LRP1: variants seen among roughly 807,000 people sequenced by gnomAD.
The protein encoded by LRP1 is prolow-density lipoprotein receptor-related protein 1.
A neutral mutation model predicts 541.5 loss-of-function variants in LRP1; 51 were observed. That is an observed-to-expected ratio of 0.09 (90% CI 0.08 to 0.12). LRP1 has a LOEUF of 0.12. Among genes scored for constraint, LRP1 ranks in the 10% least tolerant of loss-of-function variants. The pLI is 1.00. For synonymous variants in LRP1, 2,219 were observed against 2,470.8 expected, an observed-to-expected ratio of 0.90 and a Z score of 3.02; for missense variants, 3,878 against 6,376.2, an observed-to-expected ratio of 0.61 and a Z score of 13.34.
At chr12:57,171,062 G>T (rs939181424) in intron 20 of LRP1, among the ~76,000 whole-genome samples, 1 of 152,180 alleles carries the variant, frequency 6.6e-6, no homozygotes, top group African/African-American at 2.4e-5. Flanking sequence ...TGAAGGGGAG[G>T]GTGAGGGGCA....
rs1397111307 is a variant in LRP1 at position 57,205,801 on chromosome 12, C to CA, written c.11590+125dup. 2.9e-6 allele frequency: 4 copies of CA among 1,401,900 alleles called. No homozygotes were observed. The East Asian group carries it at 9.8e-5, about 34-fold the overall frequency. 86.8% of individuals were successfully genotyped at this position (1,401,900 alleles called of 1,614,324 possible). A position where few individuals can be genotyped will look rare whatever the true frequency, so the allele number is the denominator to read the frequency against. ...TTGCCCAGACAAGAAGCCCCAGACT[C>CA]ATAGTTGCAGCTGCCTGAGCACAGT... On this transcript the variant is annotated intron_variant, in intron 75 of 88. Coordinates refer to ENST00000243077, the MANE Select transcript of LRP1 (RefSeq NM_002332.3). The surrounding 1 kb of genome is among the most constrained non-coding windows in gnomAD (Gnocchi z 4.6).
intron 17 of LRP1, among the ~76,000 whole-genome samples, chr12:57,166,711 C>T (rs1377546225): frequency 2.0e-5 from 3 of 152,120 alleles, no homozygotes; most frequent in African/African-American, 7.2e-5. Flanking sequence ...AGAGGAGGAA[C>T]AAGGCAGGGT....
In LRP1 at chr12:57,177,600, C is replaced by T. The variant is rs757112875; in HGVS notation, c.4361+9C>T. The T allele has an allele frequency of 2.7e-5, 44 of 1,613,160 alleles. No homozygotes were observed. The highest frequency in any genetic ancestry group is 3.6e-5 in the Non-Finnish European group (43 of 1,179,758). ...CTTTGGATTGACGCCAGGTCAGCAC[C>T]CTCTGTGCCCTGAGAAGGCCCAAGT... is the stretch of plus-strand genomic sequence containing the variant. On this transcript the variant is annotated intron_variant, in intron 26 of 88. Transcript: ENST00000243077. This position sits in a 1 kb window ranked among gnomAD's most constrained non-coding sequence, Gnocchi z 6.8.
rs200472037 is a variant in LRP1, at chr12:57,158,611, A to T, written c.1771A>T (p.Thr591Ser). Residue 591 changes from threonine to serine, a missense_variant, in exon 11 of 89, where the codon ACT becomes TCT. By Grantham distance (58) the Thr-to-Ser change is moderately conservative. Coordinates refer to ENST00000243077, the MANE Select transcript of LRP1 (RefSeq NM_002332.3). The surrounding 1 kb of genome is among the most constrained non-coding windows in gnomAD (Gnocchi z 5.3). Reference sequence around the variant, plus strand: ...CATTGGCCGCCAGAAGATTGATGGCACTGAGCGGGAGACCATCCTGAAGGA... The same window carrying T: ...CATTGGCCGCCAGAAGATTGATGGCTCTGAGCGGGAGACCATCCTGAAGGA... ...YLIGRQKIDG[T>S]ERETILKDGI... 4 of 1,614,056 alleles carry T rather than the reference A, an allele frequency of 2.5e-6. No homozygotes were observed. In the African/African-American group the frequency reaches 5.3e-5, roughly 22 times the overall value.
chr12:57,199,065 C>A (rs1000755554), intron 60 of LRP1, 147 bp from the exon 61 acceptor site: 8 of 753,544 alleles, frequency 1.1e-5, no homozygotes, highest in Non-Finnish European at 1.8e-5. Flanking sequence ...AGCTGTGAGA[C>A]CATGGGGGGT....
At chr12:57,199,798 C>G in intron 61 of LRP1, 79 bp from the exon 62 acceptor site, 2 of 1,488,400 alleles carry the variant, frequency 1.3e-6, no homozygotes. Context: ...CCACCCGCCT[C>G]TGTCCAGGAT....
At position 57,211,849 on chromosome 12, in the gene LRP1, G is replaced by A. The variant is rs775528416; in HGVS notation, c.13258+35G>A. 26 of 1,613,056 alleles carry A rather than the reference G, an allele frequency of 1.6e-5. No individual in the cohort carries two copies. Among genetic ancestry groups the A allele is most frequent in the African/African-American group, 4.0e-5 (3 of 74,864 alleles). ...AGGGGTTGGGGCAGGCAGGGCCACCGGGACCTAGAGCAGGGGGACCGTGTG... is the reference window on the plus strand; with the variant it reads ...AGGGGTTGGGGCAGGCAGGGCCACCAGGACCTAGAGCAGGGGGACCGTGTG... On this transcript the variant is annotated intron_variant, in intron 86 of 88. Coordinates refer to ENST00000243077, the MANE Select transcript of LRP1 (RefSeq NM_002332.3). This position sits in a 1 kb window ranked among gnomAD's most constrained non-coding sequence, Gnocchi z 4.3.
rs773532015 is a variant in LRP1, at chr12:57,175,623, C to T, written c.3711C>T (p.Cys1237=). The T allele has an allele frequency of 3.1e-5, 50 of 1,612,184 alleles. No homozygotes were observed. In the South Asian group the frequency reaches 4.5e-4, roughly 15 times the overall value. Reference sequence around the variant, plus strand: ...AGCATCTCAAATGCAGCCAAAAGTGCGACCAGAACAAGTTCAGCGTGAAGT... The same window carrying T: ...AGCATCTCAAATGCAGCCAAAAGTGTGACCAGAACAAGTTCAGCGTGAAGT... The part of the protein sequence containing the change: ...CAKHLKCSQK[C]DQNKFSVKCS... The change falls in exon 23 of 89, where the codon TGC becomes TGT. Residue 1237 remains cysteine, a synonymous_variant. Coordinates refer to ENST00000243077, the MANE Select transcript of LRP1 (RefSeq NM_002332.3).
intron 11 of LRP1, among the ~76,000 whole-genome samples, chr12:57,159,479 A>G (rs2035685498): frequency 1.3e-5 from 2 of 152,214 alleles, no homozygotes; most frequent in South Asian, 4.1e-4. Flanking sequence ...CTAGGATATG[A>G]TGTCACACTT....
intron 1 of LRP1, among the ~76,000 whole-genome samples, chr12:57,133,664 ACTCTGTTCC>A (rs1227202705): frequency 1.0e-4 from 3 of 29,436 alleles, no homozygotes; most frequent in African/African-American, 4.2e-4. Flanking sequence ...TCCTCCTCCC[ACTCTGTTCC>A]CTTAGCTATA....
At position 57,158,354 on chromosome 12, in the gene LRP1, G is replaced by C. The variant is rs777626919; in HGVS notation, c.1562-48G>C. The C allele has an allele frequency of 1.4e-6, 2 of 1,477,842 alleles. No individual in the cohort carries two copies. The highest frequency in any genetic ancestry group is 3.6e-5 in the Admixed American group (2 of 55,016). 91.5% of individuals were successfully genotyped at this position (1,477,842 alleles called of 1,614,324 possible). On this transcript the variant is annotated intron_variant, in intron 10 of 88. Coordinates refer to ENST00000243077, the MANE Select transcript of LRP1 (RefSeq NM_002332.3). This position sits in a 1 kb window ranked among gnomAD's most constrained non-coding sequence, Gnocchi z 5.3. Reference sequence around the variant, plus strand: ...TTGGCCGCAGCCCCTGGGTGGGGATGATGGTCATGTGTGTGTCTGACTGTA... The same window carrying C: ...TTGGCCGCAGCCCCTGGGTGGGGATCATGGTCATGTGTGTGTCTGACTGTA...
At chr12:57,166,370 C>T (rs1195447832) in intron 17 of LRP1, 161 bp downstream of exon 17, 9 of 904,568 alleles carry the variant, frequency 9.9e-6, no homozygotes, top group Admixed American at 3.0e-5. Context: ...GCCTGGCCAA[C>T]ATAGTGAGAC....
chr12:57,203,386 C>T lies in LRP1; in HGVS notation c.10819-3C>T, dbSNP rs112819200. 8.1e-6 allele frequency: 13 copies of T among 1,604,756 alleles called. No homozygotes were observed. The highest frequency in any genetic ancestry group is 1.1e-5 in the Non-Finnish European group (13 of 1,173,950). On this transcript the variant is annotated splice_polypyrimidine_tract_variant and splice_region_variant and intron_variant, in intron 69 of 88. Transcript: ENST00000243077. ...GACCGGCTGCCTGTGCCCATGCCCACAGAAAGACTGCACCCCCCGCTGTGA... is the reference window on the plus strand; with the variant it reads ...GACCGGCTGCCTGTGCCCATGCCCATAGAAAGACTGCACCCCCCGCTGTGA...
Position 57,211,623 on chromosome 12 carries a change from C to T in LRP1, c.13193+35C>T. On this transcript the variant is annotated intron_variant, in intron 85 of 88. Transcript: ENST00000243077. This position sits in a 1 kb window ranked among gnomAD's most constrained non-coding sequence, Gnocchi z 4.3. The stretch of plus-strand genomic sequence containing the variant: ...GCCCGGGCTTCACCCAGGCATAGAT[C>T]ATCGCTCCCTTCCCCAGATTTGAGC... The T allele has an allele frequency of 1.2e-6, 2 of 1,608,754 alleles. No homozygotes were observed. Among genetic ancestry groups the T allele is most frequent in the Non-Finnish European group, 1.7e-6 (2 of 1,175,214 alleles).
intron 1 of LRP1, among the ~76,000 whole-genome samples, chr12:57,131,584 A>G (rs2035040691): frequency 6.6e-6 from 1 of 152,172 alleles, no homozygotes. Flanking sequence ...TCCCTGAGAG[A>G]AAGTTCTAAA....
chr12:57,140,105 T>C (rs560356119), intron 2 of LRP1, among the ~76,000 whole-genome samples: 1 of 152,292 alleles, frequency 6.6e-6, no homozygotes, highest in East Asian at 1.9e-4. Context: ...CCACAACCTT[T>C]TTTTTTTTCT....
rs1194638659 is a variant in LRP1 at position 57,196,237 on chromosome 12, G to A, written c.8852G>A (p.Gly2951Asp). The A allele has an allele frequency of 6.2e-7, 1 of 1,609,332 alleles. No individual in the cohort carries two copies. Among genetic ancestry groups the A allele is most frequent in the South Asian group, 1.1e-5 (1 of 90,626 alleles). ...GAGTGTCTCAGCCGCAAGCTCAGTGGCTGCAGCCAGGACTGTGAGGACCTC... is the reference window on the plus strand; with the variant it reads ...GAGTGTCTCAGCCGCAAGCTCAGTGACTGCAGCCAGGACTGTGAGGACCTC... ...INECLSRKLSGCSQDCEDLKI... is the reference protein window; with the variant it reads ...INECLSRKLSDCSQDCEDLKI... Residue 2951 changes from glycine (G) to aspartate (D), a missense_variant, in exon 55 of 89, where the codon GGC (glycine) becomes GAC (aspartate). Transcript: ENST00000243077.
intron 1 of LRP1, chr12:57,131,927 G>A (rs922545123): frequency 1.3e-5 from 2 of 152,468 alleles, no homozygotes; most frequent in African/African-American, 2.4e-5. Context: ...TCCTGCTGCA[G>A]TGTGAGCCCT....
intron 3 of LRP1, 107 bp from the exon 4 acceptor site, chr12:57,143,572 C>G: frequency 7.1e-7 from 1 of 1,414,540 alleles, no homozygotes; most frequent in South Asian, 1.3e-5. Context: ...CACTGCAGCC[C>G]TTAGAAGTGG....
Sources: gnomAD v4.1 joint callset for allele counts (sites outside exome capture counted in the v4.1 genomes callset) on GRCh38, gnomAD v4.1.1 for gene constraint, Gnocchi (gnomAD v3.1) non-coding constraint, MANE v1.5 for transcripts, NCBI Gene and HGNC (gene_info 2026-07-23, HGNC 2026-07-21) for gene names.